Variants in BANK1 observed in about 807,000 individuals in gnomAD.
BANK1 encodes the protein B cell scaffold protein with ankyrin repeats 1.
Under a neutral mutation model 94.5 loss-of-function variants are expected in BANK1, and 95 were observed. The ratio of observed to expected loss-of-function variants is 1.00; its 90% CI spans 0.85 to 1.19. The LOEUF is 1.19. Among genes scored for constraint, BANK1 ranks in the 50% most tolerant of loss-of-function variants. The probability of loss-of-function intolerance (pLI) is 0.00; values close to 1 mark genes in which losing one functional copy is unlikely to be tolerated. For synonymous variants in BANK1, 334 were observed against 308.4 expected (o/e 1.08, Z -0.87); for missense variants, 987 against 932.2 (o/e 1.06, Z -0.77).
In BANK1 at chr4:102,071,385, A is replaced by T. The variant is rs1728755748; in HGVS notation, c.2242+81A>T. The T allele has an allele frequency of 3.0e-6, 4 of 1,354,266 alleles. 1 individual carries two copies. The South Asian group carries it at 3.7e-5, about 13-fold the overall frequency. The allele number at this position is 1,354,266 out of a possible 1,614,324, so 83.9% of individuals were successfully genotyped here. ...TCAATTTCAATATTAATGTAAACCT[A>T]ATGTGATTAAGCAAGTCAGTGTAAA... On this transcript the variant is annotated intron_variant, in intron 14 of 16. Coordinates refer to ENST00000322953, the MANE Select transcript of BANK1 (RefSeq NM_017935.5).
At chr4:101,890,574 TTTTA>T (rs1385107719) in intron 5 of BANK1, among the ~76,000 whole-genome samples, 5 of 148,594 alleles carry the variant, frequency 3.4e-5, no homozygotes, top group South Asian at 2.1e-4. Context: ...TAAAGTATAA[TTTTA>T]TTTATTATAA....
intron 6 of BANK1, among the ~76,000 whole-genome samples, chr4:101,906,746 C>A (rs1359656213): frequency 6.6e-6 from 1 of 152,128 alleles, no homozygotes; most frequent in Non-Finnish European, 1.5e-5. Flanking sequence ...TCTTACTCAC[C>A]ACGGGGATTG....
At chr4:101,833,489 CT>C (rs1336296998) in intron 2 of BANK1, among the ~76,000 whole-genome samples, 1 of 152,172 alleles carries the variant, frequency 6.6e-6, no homozygotes, top group Non-Finnish European at 1.5e-5. Flanking sequence ...ACTTTGTCTG[CT>C]TTTTAGAACC....
At chr4:101,967,341 G>T (rs953562277) in intron 7 of BANK1, among the ~76,000 whole-genome samples, 13 of 152,112 alleles carry the variant, frequency 8.5e-5, no homozygotes, top group African/African-American at 1.9e-4. Context: ...TTAGATCCAG[G>T]ATTCATGCCC....
chr4:101,883,623 C>T (rs1159992912), intron 5 of BANK1, among the ~76,000 whole-genome samples: 6 of 152,150 alleles, frequency 3.9e-5, no homozygotes, highest in African/African-American at 1.4e-4. Flanking sequence ...GCTTTGATCA[C>T]CCGTGCAGAG....
At chr4:102,031,705 C>G (rs1419237458) in intron 10 of BANK1, among the ~76,000 whole-genome samples, 1 of 152,052 alleles carries the variant, frequency 6.6e-6, no homozygotes, top group African/African-American at 2.4e-5. Flanking sequence ...ATGCTCAACT[C>G]CTATAAATAA....
At chr4:102,072,248 C>A in intron 14 of BANK1, 97 bp from the exon 15 acceptor site, 2 of 1,076,448 alleles carry the variant, frequency 1.9e-6, no homozygotes, top group Non-Finnish European at 2.8e-6. Flanking sequence ...TCACCCATAT[C>A]TTACCTTTGT....
At chr4:101,864,279 C>A (rs4586936) in intron 4 of BANK1, among the ~76,000 whole-genome samples, 150,694 of 152,308 alleles carry the variant, frequency 0.99, 74,551 homozygotes, top group Middle Eastern at 1. Flanking sequence ...TGGATGGAAA[C>A]TGCCTTGGCA....
intron 7 of BANK1, among the ~76,000 whole-genome samples, chr4:102,016,186 G>T (rs1026589730): frequency 6.6e-6 from 1 of 152,098 alleles, no homozygotes; most frequent in Non-Finnish European, 1.5e-5. Flanking sequence ...GGAAATGATT[G>T]CATGTTTCTA....
At chr4:102,031,025 A>C (rs191370342) in intron 10 of BANK1, among the ~76,000 whole-genome samples, 1 of 152,222 alleles carries the variant, frequency 6.6e-6, no homozygotes, top group East Asian at 1.9e-4. Flanking sequence ...ACTGTCTTCC[A>C]CAATGATTGA....
At chr4:101,968,118 C>G (rs1724825147) in intron 7 of BANK1, among the ~76,000 whole-genome samples, 1 of 151,918 alleles carries the variant, frequency 6.6e-6, no homozygotes, top group Non-Finnish European at 1.5e-5. Flanking sequence ...AGAAGAAATG[C>G]CCACACAGGA....
chr4:101,821,259 G>A (rs896957582), intron 1 of BANK1, among the ~76,000 whole-genome samples: 1 of 152,150 alleles, frequency 6.6e-6, no homozygotes, highest in African/African-American at 2.4e-5. Context: ...CTTTTGAAAA[G>A]TGTCTATTCA....
chr4:101,845,238 C>T (rs1382698231), intron 2 of BANK1, among the ~76,000 whole-genome samples: 1 of 151,768 alleles, frequency 6.6e-6, no homozygotes, highest in African/African-American at 2.4e-5. Flanking sequence ...TATGTACCAA[C>T]AAAAGTTAAA....
chr4:101,933,816 T>G (rs888273466), intron 7 of BANK1, among the ~76,000 whole-genome samples: 54 of 151,474 alleles, frequency 3.6e-4, no homozygotes, highest in African/African-American at 1.1e-3. Context: ...ATGACAGTGC[T>G]GAAGGGCTAC....
chr4:101,891,892 A>G (rs1163425227), intron 5 of BANK1, among the ~76,000 whole-genome samples: 1 of 151,630 alleles, frequency 6.6e-6, no homozygotes, highest in African/African-American at 2.4e-5. Flanking sequence ...AAAGCTTTCT[A>G]TTTTTTATTT....
At chr4:101,964,126 T>C (rs1724666685) in intron 7 of BANK1, among the ~76,000 whole-genome samples, 1 of 152,128 alleles carries the variant, frequency 6.6e-6, no homozygotes, top group Non-Finnish European at 1.5e-5. Context: ...GAGCTCAATA[T>C]ATATGCTTTT....
chr4:102,073,178 G>A (rs2148968789), intron 15 of BANK1, among the ~76,000 whole-genome samples: 1 of 151,504 alleles, frequency 6.6e-6, no homozygotes, highest in South Asian at 2.1e-4. Flanking sequence ...ACGAATTGAA[G>A]CAGTTGCATT....
intron 6 of BANK1, among the ~76,000 whole-genome samples, chr4:101,901,544 G>A (rs1578387595): frequency 1.3e-5 from 2 of 152,262 alleles, no homozygotes; most frequent in East Asian, 3.9e-4. Flanking sequence ...ATTGGGAAAG[G>A]TATGACTAGA....
intron 7 of BANK1, among the ~76,000 whole-genome samples, chr4:102,002,295 T>G (rs764070143): frequency 6.6e-6 from 1 of 152,076 alleles, no homozygotes; most frequent in African/African-American, 2.4e-5. Context: ...TTAAATCCCA[T>G]TCCAATATTT....
Sources: allele counts gnomAD v4.1 joint callset (sites outside exome capture counted in the v4.1 genomes callset), GRCh38; gene constraint gnomAD v4.1.1; transcripts MANE v1.5; gene names NCBI Gene and HGNC (gene_info 2026-07-23, HGNC 2026-07-21).